The following CBR4 variants were observed in gnomAD, a reference collection of about 807,000 sequenced individuals.
The protein encoded by CBR4 is 3-oxoacyl-[acyl-carrier-protein] reductase.
A neutral mutation model predicts 21.0 loss-of-function variants in CBR4; 22 were observed. The ratio of observed to expected loss-of-function variants is 1.05; its 90% CI spans 0.75 to 1.50. The LOEUF is 1.50. Among genes scored for constraint, CBR4 ranks in the 40% most tolerant of loss-of-function variants. The probability of loss-of-function intolerance (pLI) is 0.00; values close to 1 mark genes in which losing one functional copy is unlikely to be tolerated. For synonymous variants in CBR4, 100 were observed against 104.4 expected, an observed-to-expected ratio of 0.96 and a Z score of 0.26; for missense variants, 302 against 286.3, an observed-to-expected ratio of 1.05 and a Z score of -0.40.
Position 168,948,562 on chromosome 4 carries a change from C to A in CBR4, n.169+53509G>T, listed in dbSNP as rs571129535. ...TTTGTATAAGGTGAGAAATGAGGAT[C>A]CAGTTTCACTCTCCTACATGTGGCT... On this transcript the variant is annotated intron_variant and non_coding_transcript_variant, in intron 2 of 3. Coordinates refer to the CBR4 transcript ENST00000509108. 2.6e-5 allele frequency among the ~76,000 whole-genome samples: 4 copies of A among 152,246 alleles called. No homozygotes were observed. In the South Asian group the frequency reaches 6.2e-4, roughly 24 times the overall value.
intron 2 of CBR4, among the ~76,000 whole-genome samples, chr4:168,922,096 T>TACACACAC (rs1464630467): frequency 2.5e-4 from 26 of 104,888 alleles, no homozygotes; most frequent in African/African-American, 7.4e-4. Flanking sequence ...TATATATATA[T>TACACACAC]ATATATACAC....
chr4:168,925,216 T>G lies in CBR4; in HGVS notation n.170-30451A>C, dbSNP rs369170563. 1.6e-5 allele frequency: 25 copies of G among 1,601,414 alleles called. No individual in the cohort carries two copies. The African/African-American group carries it at 2.8e-4, about 18-fold the overall frequency. On this transcript the variant is annotated intron_variant and non_coding_transcript_variant, in intron 2 of 3. Coordinates refer to the CBR4 transcript ENST00000509108. ...TCAAAAAAATTCATATTGCTCTCTC[T>G]CTCTTTCTATTTGTAGTTTCTCGAC...
At chr4:168,954,691 T>C (rs536712979) in intron 2 of CBR4, among the ~76,000 whole-genome samples, 75 of 152,294 alleles carry the variant, frequency 4.9e-4, no homozygotes, top group Non-Finnish European at 9.3e-4. Context: ...AGAAAGTTAC[T>C]TGAAGATGTA....
At chr4:168,953,631 C>T in intron 2 of CBR4, among the ~76,000 whole-genome samples, 1 of 151,674 alleles carries the variant, frequency 6.6e-6, no homozygotes, top group East Asian at 1.9e-4. Context: ...CGTGTGTTGC[C>T]CAGGTTGGTC....
chr4:168,917,928 C>T (rs1262565940), intron 2 of CBR4, among the ~76,000 whole-genome samples: 1 of 152,050 alleles, frequency 6.6e-6, no homozygotes, highest in Non-Finnish European at 1.5e-5. Flanking sequence ...AGGCTGGGCA[C>T]AGTGGCACAC....
chr4:168,913,260 C>A (rs1759398435), intron 2 of CBR4, among the ~76,000 whole-genome samples: 1 of 151,886 alleles, frequency 6.6e-6, no homozygotes, highest in African/African-American at 2.4e-5. Context: ...CCTCAGCCTC[C>A]CAAGTAGCTG....
rs1161685407 is a variant in CBR4 at position 168,906,846 on chromosome 4, C to CA, written n.170-12082dup. Among the ~76,000 whole-genome samples, 16 of 149,790 alleles carry CA rather than the reference C, an allele frequency of 1.1e-4. No individual in the cohort carries two copies. In the East Asian group the frequency reaches 1.2e-3, roughly 11 times the overall value. The stretch of plus-strand genomic sequence containing the variant: ...TTACCCAAAGCCCAATATATAATGC[C>CA]AAAAAAAAGAAACCCTTGTTAACAT... On this transcript the variant is annotated intron_variant and non_coding_transcript_variant, in intron 2 of 3. Coordinates refer to the CBR4 transcript ENST00000509108.
At chr4:169,005,077 T>C (rs1473640838) in intron 3 of CBR4, among the ~76,000 whole-genome samples, 3 of 152,192 alleles carry the variant, frequency 2.0e-5, no homozygotes, top group African/African-American at 7.2e-5. Context: ...AATATTTATC[T>C]ACATTATATA....
intron 2 of CBR4, among the ~76,000 whole-genome samples, chr4:168,945,693 C>A (rs1444398250): frequency 6.6e-6 from 1 of 152,176 alleles, no homozygotes; most frequent in African/African-American, 2.4e-5. Context: ...TATACTACCA[C>A]AAAATACAAA....
At chr4:168,919,623 C>T (rs1258676168) in intron 2 of CBR4, among the ~76,000 whole-genome samples, 3 of 151,906 alleles carry the variant, frequency 2.0e-5, no homozygotes, top group Admixed American at 6.6e-5. Flanking sequence ...AAAATCCTGA[C>T]GATAAGCCAA....
intron 2 of CBR4, among the ~76,000 whole-genome samples, chr4:168,950,091 T>G (rs1289588403): frequency 6.6e-6 from 1 of 152,156 alleles, no homozygotes; most frequent in East Asian, 1.9e-4. Context: ...ATCTTTTGCA[T>G]TTTGTTGTTG....
At chr4:168,921,126 C>G (rs941407113) in intron 2 of CBR4, among the ~76,000 whole-genome samples, 2 of 152,054 alleles carry the variant, frequency 1.3e-5, no homozygotes, top group African/African-American at 4.8e-5. Context: ...CATCTCTTGG[C>G]CCGGTGCAAT....
chr4:168,928,749 C>T lies in CBR4; in HGVS notation n.170-33984G>A, dbSNP rs537565443. ...GCTCTCTCTCTCAGCTCCTGAAGGC[C>T]GCCTGTATTCCTTGCCATGTAGCCC... is the stretch of plus-strand genomic sequence containing the variant. On this transcript the variant is annotated intron_variant and non_coding_transcript_variant, in intron 2 of 3. Coordinates refer to the CBR4 transcript ENST00000509108. Among the ~76,000 whole-genome samples, 10 of 152,234 alleles carry T rather than the reference C, an allele frequency of 6.6e-5. No individual in the cohort carries two copies. The South Asian group carries it at 1.9e-3, about 28-fold the overall frequency.
intron 2 of CBR4, chr4:168,915,962 C>T (rs1760000762): frequency 6.2e-7 from 1 of 1,612,986 alleles, no homozygotes; most frequent in Non-Finnish European, 8.5e-7. Flanking sequence ...CTTCAGACCT[C>T]ACTTCTTGCA....
intron 2 of CBR4, among the ~76,000 whole-genome samples, chr4:168,900,813 G>C (rs569010387): frequency 6.6e-6 from 1 of 152,070 alleles, no homozygotes; most frequent in Non-Finnish European, 1.5e-5. Flanking sequence ...GTTATCAAAC[G>C]CATGTATTAA....
At chr4:168,895,919 G>A (rs1358919448) in intron 2 of CBR4, among the ~76,000 whole-genome samples, 1 of 152,130 alleles carries the variant, frequency 6.6e-6, no homozygotes, top group African/African-American at 2.4e-5. Context: ...AGTTGAAAGT[G>A]CATTTAAGGC....
chr4:168,898,713 A>T (rs749596897), intron 2 of CBR4: 2 of 1,606,716 alleles, frequency 1.2e-6, no homozygotes, highest in South Asian at 1.1e-5. Context: ...CCAAAGCCAA[A>T]GGTGAGCTGG....
chr4:168,957,016 T>G (rs1417571225), intron 2 of CBR4, among the ~76,000 whole-genome samples: 1 of 152,192 alleles, frequency 6.6e-6, no homozygotes, highest in Non-Finnish European at 1.5e-5. Flanking sequence ...ATCTTCCCCC[T>G]GGCAAAAGCA....
At chr4:168,993,585 A>C (rs1765029371) in intron 4 of CBR4, among the ~76,000 whole-genome samples, 1 of 152,236 alleles carries the variant, frequency 6.6e-6, no homozygotes, top group Non-Finnish European at 1.5e-5. Context: ...TAATAAAAGC[A>C]GAATGAATAA....
Sources: allele counts gnomAD v4.1 joint callset (sites outside exome capture counted in the v4.1 genomes callset), GRCh38; gene constraint gnomAD v4.1.1; transcripts MANE v1.5; gene names NCBI Gene and HGNC (gene_info 2026-07-23, HGNC 2026-07-21).